Variants in FMNL2 observed in about 807,000 individuals in gnomAD.
FMNL2 encodes the protein formin like 2.
In FMNL2, 51 loss-of-function variants were observed where a neutral mutation model predicts 130.2. The ratio of observed to expected loss-of-function variants is 0.39; its 90% confidence interval spans 0.31 to 0.49. FMNL2 has a LOEUF of 0.49. Ranked by LOEUF, FMNL2 falls within the 20% of genes least tolerant of loss-of-function variation. The pLI is 0.85. For missense variants in FMNL2, 977 were observed against 1,316.2 expected, an observed-to-expected ratio of 0.74 and a Z score of 3.99; for synonymous variants, 465 against 467.1, an observed-to-expected ratio of 1.00 and a Z score of 0.06.
chr2:152,626,916 A>G (rs1409485007), intron 17 of FMNL2, among the ~76,000 whole-genome samples, 189 bp downstream of exon 17: 1 of 152,238 alleles, frequency 6.6e-6, no homozygotes, highest in Non-Finnish European at 1.5e-5. Flanking sequence ...TATGATGCCA[A>G]CACGAAAGAG....
intron 1 of FMNL2, among the ~76,000 whole-genome samples, chr2:152,452,414 T>C (rs553421924): frequency 7.2e-5 from 11 of 152,274 alleles, no homozygotes; most frequent in African/African-American, 7.2e-5. Flanking sequence ...GGAGTCGCCA[T>C]TGGAAGTCTA....
intron 1 of FMNL2, among the ~76,000 whole-genome samples, chr2:152,376,976 A>G (rs571672414): frequency 2.0e-5 from 3 of 152,332 alleles, no homozygotes; most frequent in African/African-American, 7.2e-5. Context: ...TTCACCTGGA[A>G]GGAGGCAGTA....
At position 152,633,441 on chromosome 2, in the gene FMNL2, T is replaced by A. The variant is rs867839692; in HGVS notation, c.2680+1304T>A. On this transcript the variant is annotated intron_variant, in intron 21 of 25. Coordinates refer to ENST00000288670, the MANE Select transcript of FMNL2 (RefSeq NM_052905.4). ...GTATATCAGGTTTTATTTATCTTTCTATTTCTCTCAGCCCCTGAAAATTGG... is the reference window on the plus strand; with the variant it reads ...GTATATCAGGTTTTATTTATCTTTCAATTTCTCTCAGCCCCTGAAAATTGG... Among the ~76,000 whole-genome samples, 14 of 152,272 alleles carry A rather than the reference T, an allele frequency of 9.2e-5. No individual in the cohort carries two copies. In the Middle Eastern group the frequency reaches 0.01, roughly 111 times the overall value.
At chr2:152,632,255 C>CA in intron 21 of FMNL2, 118 bp downstream of exon 21, 1 of 1,350,596 alleles carries the variant, frequency 7.4e-7, no homozygotes, top group Admixed American at 2.2e-5. Flanking sequence ...GCTAAGAAGT[C>CA]AGACACACTG....
chr2:152,521,070 T>C (rs1693060593), intron 1 of FMNL2, among the ~76,000 whole-genome samples: 1 of 152,222 alleles, frequency 6.6e-6, no homozygotes, highest in Admixed American at 6.5e-5. Context: ...GTTTAGCACA[T>C]GAGAACTTTG....
At chr2:152,391,278 A>C (rs1005785777) in intron 1 of FMNL2, among the ~76,000 whole-genome samples, 5 of 152,194 alleles carry the variant, frequency 3.3e-5, no homozygotes, top group Non-Finnish European at 7.3e-5. Flanking sequence ...CCAAATAAAC[A>C]CCCTGGCAAC....
chr2:152,612,419 C>G (rs1698734186), intron 11 of FMNL2, among the ~76,000 whole-genome samples: 1 of 152,072 alleles, frequency 6.6e-6, no homozygotes, highest in South Asian at 2.1e-4. Flanking sequence ...GCTTGGGAAG[C>G]TGAAGTGGGG....
intron 1 of FMNL2, among the ~76,000 whole-genome samples, chr2:152,375,893 A>ATT (rs1684138731): frequency 6.9e-6 from 1 of 145,256 alleles, no homozygotes; most frequent in African/African-American, 2.5e-5. Context: ...ATATATATAT[A>ATT]TATAATTATT....
chr2:152,583,755 C>T (rs1178262248), intron 9 of FMNL2, among the ~76,000 whole-genome samples: 1 of 152,180 alleles, frequency 6.6e-6, no homozygotes, highest in Non-Finnish European at 1.5e-5. Context: ...CCCTGTTTTT[C>T]AGGGTCTTAT....
intron 18 of FMNL2, 37 bp from the exon 19 acceptor site, chr2:152,629,619 C>CT (rs369328938): frequency 1.9e-6 from 3 of 1,548,426 alleles, no homozygotes; most frequent in Non-Finnish European, 2.6e-6. Context: ...TTTAACATGT[C>CT]TTTTTTCCCC....
chr2:152,350,652 CTGTTAACT>C (rs1395285977), intron 1 of FMNL2, among the ~76,000 whole-genome samples: 5 of 152,206 alleles, frequency 3.3e-5, no homozygotes, highest in African/African-American at 1.2e-4. Flanking sequence ...TACTTTATTG[CTGTTAACT>C]TGCTACTAGC....
intron 9 of FMNL2, among the ~76,000 whole-genome samples, chr2:152,591,100 C>T (rs969828732): frequency 6.8e-6 from 1 of 148,000 alleles, no homozygotes; most frequent in Non-Finnish European, 1.5e-5. Context: ...ACCTCCGTCT[C>T]CCGGGTTCAA....
intron 1 of FMNL2, among the ~76,000 whole-genome samples, chr2:152,417,010 T>C (rs1686655036): frequency 6.6e-6 from 1 of 152,208 alleles, no homozygotes; most frequent in African/African-American, 2.4e-5. Context: ...AATTTGTAGA[T>C]CTGGATAGTC....
intron 1 of FMNL2, among the ~76,000 whole-genome samples, chr2:152,345,272 AAAG>A (rs1396715749): frequency 6.6e-6 from 1 of 152,216 alleles, no homozygotes; most frequent in Non-Finnish European, 1.5e-5. Flanking sequence ...TGGGGAAGGT[AAAG>A]AAGATGACAA....
intron 20 of FMNL2, among the ~76,000 whole-genome samples, chr2:152,630,980 A>T (rs1395812035): frequency 6.6e-6 from 1 of 152,218 alleles, no homozygotes; most frequent in Admixed American, 6.5e-5. Flanking sequence ...TGGATGCCTG[A>T]AACCTCAGAT....
At chr2:152,404,277 A>G (rs1185093029) in intron 1 of FMNL2, among the ~76,000 whole-genome samples, 3 of 152,170 alleles carry the variant, frequency 2.0e-5, no homozygotes, top group Admixed American at 1.3e-4. Context: ...TTAAATACGT[A>G]TCAATGGACA....
At chr2:152,434,961 G>A (rs1687670928) in intron 1 of FMNL2, among the ~76,000 whole-genome samples, 1 of 151,968 alleles carries the variant, frequency 6.6e-6, no homozygotes. Flanking sequence ...GCTCAGTAAT[G>A]TCCAGCAGGC....
At chr2:152,590,980 C>CG (rs1697400967) in intron 9 of FMNL2, among the ~76,000 whole-genome samples, 2 of 65,744 alleles carry the variant, frequency 3.0e-5, no homozygotes, top group Admixed American at 4.3e-4. Context: ...CCTCTGATAA[C>CG]TTTTTTTTTT....
chr2:152,401,294 A>ATTAAATTAATTAAATT (rs1685681173), intron 1 of FMNL2, among the ~76,000 whole-genome samples: 2 of 152,246 alleles, frequency 1.3e-5, no homozygotes, highest in African/African-American at 4.8e-5. Flanking sequence ...GTGTCCTGTC[A>ATTAAATTAATTAAATT]AAGAAAATAA....
Sources: gnomAD v4.1 joint callset for allele counts (sites outside exome capture counted in the v4.1 genomes callset) on GRCh38, gnomAD v4.1.1 for gene constraint, MANE v1.5 for transcripts, NCBI Gene and HGNC (gene_info 2026-07-23, HGNC 2026-07-21) for gene names.